Variants in KIF24 observed in about 807,000 individuals in gnomAD.
KIF24 encodes kinesin family member 24, also known as kinesin-like protein KIF24.
A neutral mutation model predicts 118.9 loss-of-function variants in KIF24; 81 were observed. The ratio of observed to expected loss-of-function variants is 0.68; its 90% CI spans 0.57 to 0.82. The LOEUF is 0.82. Among genes scored for constraint, KIF24 ranks in the 40% least tolerant of loss-of-function variants. The pLI, the probability that KIF24 is intolerant of heterozygous loss-of-function variation, is 0.00. For missense variants in KIF24, 1,560 were observed against 1,661.6 expected (o/e 0.94, Z 1.06); for synonymous variants, 599 against 610.0 (o/e 0.98, Z 0.27).
chr9:34,257,165 G>A lies in KIF24; in HGVS notation c.2442C>T (p.Asn814=), dbSNP rs769920117. 1.4e-4 allele frequency: 226 copies of A among 1,614,038 alleles called. No homozygotes were observed. The highest frequency in any genetic ancestry group is 3.3e-4 in the Admixed American group (20 of 60,034). The change falls in exon 11 of 13, where the codon AAC becomes AAT. Residue 814 remains asparagine (N), a synonymous_variant. Coordinates refer to ENST00000402558, the MANE Select transcript of KIF24 (RefSeq NM_194313.4). ...GTTCCTCTACTTGGGCTCCATCATGGTTTTCAGAGTAAGAGTGGAACAGAG... is the reference window on the plus strand; with the variant it reads ...GTTCCTCTACTTGGGCTCCATCATGATTTTCAGAGTAAGAGTGGAACAGAG... ...TPPLFHSYSE[N]HDGAQVEELD...
intron 1 of KIF24, among the ~76,000 whole-genome samples, chr9:34,328,555 C>G (rs1837753933): frequency 6.6e-6 from 1 of 152,292 alleles, no homozygotes; most frequent in Middle Eastern, 3.4e-3. Flanking sequence ...AGGGTGGCCT[C>G]CCCCTAGCCT....
At chr9:34,304,654 G>A (rs550216340) in intron 3 of KIF24, among the ~76,000 whole-genome samples, 3 of 152,130 alleles carry the variant, frequency 2.0e-5, no homozygotes, top group East Asian at 3.9e-4. Context: ...ATCAGCAATC[G>A]ATAAGGCTGT....
At chr9:34,260,966 C>T (rs891574647) in intron 9 of KIF24, among the ~76,000 whole-genome samples, 3 of 151,724 alleles carry the variant, frequency 2.0e-5, no homozygotes, top group African/African-American at 7.3e-5. Context: ...AGTGAGACTC[C>T]CTCTCAAAAA....
At chr9:34,259,513 G>A (rs1834976238) in intron 10 of KIF24, 83 bp downstream of exon 10, 14 of 997,842 alleles carry the variant, frequency 1.4e-5, no homozygotes, top group African/African-American at 3.2e-5. Context: ...ACACACACGC[G>A]TGCACACATG....
At chr9:34,269,809 G>A (rs1835434324) in intron 7 of KIF24, among the ~76,000 whole-genome samples, 1 of 152,188 alleles carries the variant, frequency 6.6e-6, no homozygotes, top group South Asian at 2.1e-4. Context: ...ACATTACTGA[G>A]CTGGGTGTGG....
At chr9:34,287,818 C>T (rs1227716864) in intron 5 of KIF24, among the ~76,000 whole-genome samples, 1 of 151,562 alleles carries the variant, frequency 6.6e-6, no homozygotes, top group Admixed American at 6.6e-5. Context: ...ATTGCTTGAG[C>T]TCAGGAGTTT....
intron 6 of KIF24, among the ~76,000 whole-genome samples, chr9:34,277,996 C>T (rs930244223): frequency 1.3e-5 from 2 of 152,140 alleles, no homozygotes; most frequent in Non-Finnish European, 1.5e-5. Flanking sequence ...GAATTATGGC[C>T]GGGCACAGAG....
chr9:34,302,593 G>A (rs1000929122), intron 3 of KIF24, among the ~76,000 whole-genome samples: 5 of 151,610 alleles, frequency 3.3e-5, no homozygotes, highest in Non-Finnish European at 7.4e-5. Context: ...AGCCTCCCAA[G>A]TAGCTGGGAT....
At chr9:34,317,972 C>T (rs1010655350) in intron 1 of KIF24, among the ~76,000 whole-genome samples, 2 of 152,016 alleles carry the variant, frequency 1.3e-5, no homozygotes, top group African/African-American at 4.8e-5. Context: ...TACTACCATA[C>T]CCTTAAAATC....
intron 8 of KIF24, among the ~76,000 whole-genome samples, chr9:34,268,378 C>T (rs2131697072): frequency 6.6e-6 from 1 of 152,188 alleles, no homozygotes; most frequent in Non-Finnish European, 1.5e-5. Flanking sequence ...GTTGGCCAGG[C>T]TGATCTACCT....
In KIF24 at chr9:34,318,428, G is replaced by T; in HGVS notation, c.-25-7057C>A. 2.9e-6 allele frequency: 2 copies of T among 694,850 alleles called. No homozygotes were observed. Among genetic ancestry groups the T allele is most frequent in the Non-Finnish European group, 5.3e-6 (2 of 380,502 alleles). The allele number at this position is 694,850 out of a possible 1,614,324, so 43.0% of individuals were successfully genotyped here. A position where few individuals can be genotyped will look rare whatever the true frequency, so the allele number is the denominator to read the frequency against. On this transcript the variant is annotated intron_variant, in intron 1 of 12. Transcript: ENST00000402558. The surrounding 1 kb of genome is among the most constrained non-coding windows in gnomAD (Gnocchi z 4.9). The stretch of plus-strand genomic sequence containing the variant: ...CACGCGCTCCCTCCTGCTCCTCAGC[G>T]CCTTCTGCCTCCTGGCGGTGGCCTT...
At chr9:34,303,968 C>A (rs1351465636) in intron 3 of KIF24, among the ~76,000 whole-genome samples, 3 of 152,096 alleles carry the variant, frequency 2.0e-5, no homozygotes, top group Non-Finnish European at 4.4e-5. Flanking sequence ...TCACTTACTG[C>A]CAATTTCAAA....
intron 5 of KIF24, among the ~76,000 whole-genome samples, chr9:34,288,340 T>C (rs1197725442): frequency 6.6e-6 from 1 of 151,744 alleles, no homozygotes; most frequent in Non-Finnish European, 1.5e-5. Context: ...AAATAAAAAT[T>C]AGCAGGGCAT....
At chr9:34,324,297 C>A (rs1339853714) in intron 1 of KIF24, among the ~76,000 whole-genome samples, 2 of 152,200 alleles carry the variant, frequency 1.3e-5, no homozygotes, top group East Asian at 3.8e-4. Flanking sequence ...CTGACAAAAT[C>A]TGCCCCTCCA....
rs1035407739 is a variant in KIF24, at chr9:34,329,126, C to G, written c.-46G>C. 2.0e-5 allele frequency among the ~76,000 whole-genome samples: 3 copies of G among 152,230 alleles called. No homozygotes were observed. The highest frequency in any genetic ancestry group is 7.2e-5 in the African/African-American group (3 of 41,464). ...CTCACCTCGGTCCAAACTCCTCGGTCTGCCCTGTCTGAGAAGAGGAGAAGA... is the reference window on the plus strand; with the variant it reads ...CTCACCTCGGTCCAAACTCCTCGGTGTGCCCTGTCTGAGAAGAGGAGAAGA... On this transcript the variant is annotated 5_prime_UTR_variant, in exon 1 of 13. Transcript: ENST00000402558.
intron 9 of KIF24, among the ~76,000 whole-genome samples, chr9:34,262,644 CAAAAAAAAAAAAAAAA>C (rs1172989308): frequency 0.02 from 392 of 19,416 alleles, 1 homozygote; most frequent in South Asian, 0.024. Context: ...CTGTCTCTAC[CAAAAAAAAAAAAAAAA>C]AAAAAAAAAA....
Position 34,257,711 on chromosome 9 carries a change from G to A in KIF24, c.1896C>T (p.Gly632=). Residue 632 remains glycine, a synonymous_variant, in exon 11 of 13, where the codon GGC becomes GGT. Coordinates refer to ENST00000402558, the MANE Select transcript of KIF24 (RefSeq NM_194313.4). ...ACTCTTGTGAAGGACTCCCTCTGGA[G>A]CCACCCCTTTTACCAGAGACCTTAG... ...SAPKVSGKRG[G]SRGSPSQEWV... is the part of the protein sequence containing the mutation. The A allele has an allele frequency of 6.2e-7, 1 of 1,614,038 alleles. No homozygotes were observed. The highest frequency in any genetic ancestry group is 8.5e-7 in the Non-Finnish European group (1 of 1,179,900).
At chr9:34,287,103 C>CAT (rs1265246243) in intron 5 of KIF24, among the ~76,000 whole-genome samples, 6 of 152,194 alleles carry the variant, frequency 3.9e-5, no homozygotes, top group African/African-American at 1.4e-4. Context: ...GATGTGAAAG[C>CAT]ATATGGCCCT....
chr9:34,297,187 T>C, intron 3 of KIF24, 73 bp from the exon 4 acceptor site: 2 of 830,454 alleles, frequency 2.4e-6, no homozygotes, highest in South Asian at 1.6e-5. Context: ...AGTTAACAGA[T>C]GATAAATGCC....
Sources: gnomAD v4.1 joint callset for allele counts (sites outside exome capture counted in the v4.1 genomes callset) on GRCh38, gnomAD v4.1.1 for gene constraint, Gnocchi (gnomAD v3.1) non-coding constraint, MANE v1.5 for transcripts, NCBI Gene and HGNC (gene_info 2026-07-23, HGNC 2026-07-21) for gene names.